Variants in PELI2 observed in about 807,000 individuals in gnomAD.
PELI2 encodes the protein E3 ubiquitin-protein ligase pellino homolog 2.
Under a neutral mutation model 42.3 loss-of-function variants are expected in PELI2, and 23 were observed. The ratio of observed to expected loss-of-function variants is 0.54; its 90% CI spans 0.39 to 0.77. The LOEUF (loss-of-function observed/expected upper bound fraction) is 0.77. PELI2 is among the 30% of genes least tolerant of loss of function. PELI2 has a pLI of 0.00. For missense variants in PELI2, 463 were observed against 553.2 expected (o/e 0.84, Z 1.64); for synonymous variants, 245 against 212.2 (o/e 1.15, Z -1.34).
chr14:56,199,837 A>T (rs138105206), intron 2 of PELI2, among the ~76,000 whole-genome samples: 80 of 152,344 alleles, frequency 5.3e-4, no homozygotes, highest in African/African-American at 1.9e-3. Flanking sequence ...CTGTACTGCA[A>T]GTTCTGTTTA....
intron 2 of PELI2, among the ~76,000 whole-genome samples, chr14:56,244,592 C>A (rs187423215): frequency 6.6e-6 from 1 of 152,140 alleles, no homozygotes; most frequent in Non-Finnish European, 1.5e-5. Context: ...AAGGAAGATG[C>A]CACTCTGCTA....
chr14:56,233,985 C>A (rs1160549623), intron 2 of PELI2, among the ~76,000 whole-genome samples: 10 of 152,146 alleles, frequency 6.6e-5, no homozygotes, highest in African/African-American at 2.2e-4. Context: ...ATGCAGCCAA[C>A]GGACACATGA....
At chr14:56,224,245 A>G (rs1459457036) in intron 2 of PELI2, among the ~76,000 whole-genome samples, 1 of 152,182 alleles carries the variant, frequency 6.6e-6, no homozygotes, top group Non-Finnish European at 1.5e-5. Context: ...GCTTCCATAC[A>G]ATGATTTAAT....
intron 2 of PELI2, among the ~76,000 whole-genome samples, chr14:56,275,564 T>A (rs1566678681): frequency 6.6e-6 from 1 of 152,130 alleles, no homozygotes; most frequent in Admixed American, 6.5e-5. Context: ...ACAGTCTAGA[T>A]CCCTCACATG....
intron 1 of PELI2, among the ~76,000 whole-genome samples, chr14:56,165,347 G>A (rs142974820): frequency 1.2e-4 from 18 of 152,054 alleles, no homozygotes; most frequent in Middle Eastern, 3.4e-3. Context: ...AAAATTTCTC[G>A]TTATTAATTT....
In PELI2 at chr14:56,202,777, A is replaced by G. The variant is rs371531883; in HGVS notation, c.207+24313A>G. Among the ~76,000 whole-genome samples the G allele has an allele frequency of 1.7e-4, 26 of 152,322 alleles. 1 individual carries two copies. The highest frequency in any genetic ancestry group is 7.8e-4 in the Admixed American group (12 of 15,298). ...TATCATCTGTGAAGTCTTTTTGACA[A>G]CATCTTTAACCAGAATCTGATTATT... is the stretch of plus-strand genomic sequence containing the variant. On this transcript the variant is annotated intron_variant, in intron 2 of 5. Transcript: ENST00000267460.
chr14:56,294,975 C>G (rs559850949), intron 5 of PELI2, among the ~76,000 whole-genome samples: 1 of 152,174 alleles, frequency 6.6e-6, no homozygotes, highest in Non-Finnish European at 1.5e-5. Context: ...AGGATTTACT[C>G]CCTCATCTGC....
At chr14:56,175,680 A>T (rs569420525) in intron 1 of PELI2, among the ~76,000 whole-genome samples, 1 of 152,350 alleles carries the variant, frequency 6.6e-6, no homozygotes, top group South Asian at 2.1e-4. Context: ...CTGTGCCTCT[A>T]TGCTTAGGCA....
intron 2 of PELI2, among the ~76,000 whole-genome samples, chr14:56,254,402 A>AAC (rs1555351560): frequency 2.6e-5 from 4 of 151,850 alleles, no homozygotes; most frequent in Admixed American, 2.6e-4. Context: ...ATCTCAAAAA[A>AAC]AAAAAAAAAT....
chr14:56,144,010 A>G (rs572456678), intron 1 of PELI2, among the ~76,000 whole-genome samples: 1 of 152,216 alleles, frequency 6.6e-6, no homozygotes, highest in Non-Finnish European at 1.5e-5. Flanking sequence ...ATACTAGCAT[A>G]TGCTTGTATA....
chr14:56,242,334 T>C lies in PELI2; in HGVS notation c.208-37342T>C, dbSNP rs1238937657. ...ACCATAGTCGTAGCCATGAAAACAG[T>C]GACTATCAATTGAAAACAAAATTAT... On this transcript the variant is annotated intron_variant, in intron 2 of 5. Transcript: ENST00000267460. Among the ~76,000 whole-genome samples, 7 of 152,278 alleles carry C rather than the reference T, an allele frequency of 4.6e-5. No homozygotes were observed. In the South Asian group the frequency reaches 8.3e-4, roughly 18 times the overall value.
chr14:56,204,029 G>A (rs372708424), intron 2 of PELI2, among the ~76,000 whole-genome samples: 10 of 152,334 alleles, frequency 6.6e-5, no homozygotes, highest in Admixed American at 5.9e-4. Flanking sequence ...GGGTCAGGAA[G>A]GGAGATCTGA....
intron 1 of PELI2, among the ~76,000 whole-genome samples, chr14:56,130,476 G>A (rs1883445632): frequency 6.6e-6 from 1 of 151,818 alleles, no homozygotes; most frequent in Admixed American, 6.6e-5. Flanking sequence ...TTGCCATACT[G>A]GGTATTCTCA....
At position 56,264,654 on chromosome 14, in the gene PELI2, G is replaced by A. The variant is rs7147332; in HGVS notation, c.208-15022G>A. Among the ~76,000 whole-genome samples the A allele has an allele frequency of 7.4e-3, 1,122 of 152,210 alleles. 19 individuals carry two copies. Among genetic ancestry groups the A allele is most frequent in the African/African-American group, 0.026 (1,070 of 41,530 alleles). On this transcript the variant is annotated intron_variant, in intron 2 of 5. Coordinates refer to ENST00000267460, the MANE Select transcript of PELI2 (RefSeq NM_021255.3). ...AAATTTATGGTCACATTACCCAGGGGCAGGAAAATGGTAAACCCAGTTCTT... is the reference window on the plus strand; with the variant it reads ...AAATTTATGGTCACATTACCCAGGGACAGGAAAATGGTAAACCCAGTTCTT...
intron 2 of PELI2, among the ~76,000 whole-genome samples, chr14:56,217,598 G>A (rs1383909551): frequency 6.6e-6 from 1 of 152,124 alleles, no homozygotes; most frequent in African/African-American, 2.4e-5. Context: ...TAGTTTTTGA[G>A]GTTTGCATTA....
At chr14:56,124,665 C>T (rs1381780102) in intron 1 of PELI2, among the ~76,000 whole-genome samples, 1 of 152,210 alleles carries the variant, frequency 6.6e-6, no homozygotes. Context: ...CCTGCTGCTG[C>T]AGCACTGACA....
intron 2 of PELI2, among the ~76,000 whole-genome samples, chr14:56,194,272 C>T (rs1397647851): frequency 6.6e-6 from 1 of 152,170 alleles, no homozygotes; most frequent in Non-Finnish European, 1.5e-5. Context: ...TTCCTGTCGT[C>T]AGCATCCGGC....
At chr14:56,211,247 A>G (rs907062810) in intron 2 of PELI2, among the ~76,000 whole-genome samples, 5 of 137,060 alleles carry the variant, frequency 3.6e-5, no homozygotes, top group African/African-American at 1.3e-4. Flanking sequence ...GAATGCCCCA[A>G]TTGCACAGTT....
Position 56,219,094 on chromosome 14 carries a change from AAGGTAG to A in PELI2, c.207+40631_207+40636del, listed in dbSNP as rs1887027478. On this transcript the variant is annotated intron_variant, in intron 2 of 5. Coordinates refer to ENST00000267460, the MANE Select transcript of PELI2 (RefSeq NM_021255.3). The surrounding 1 kb of genome is among the most constrained non-coding windows in gnomAD (Gnocchi z 4.1). ...AGAATAAACAGAACCCTAGGAAGGG[AAGGTAG>A]CTTCAAATACAAGCCATTTTAAGTA... Among the ~76,000 whole-genome samples the A allele has an allele frequency of 6.6e-6, 1 of 152,104 alleles. No individual in the cohort carries two copies. The highest frequency in any genetic ancestry group is 2.4e-5 in the African/African-American group (1 of 41,398).
Sources: gnomAD v4.1 joint callset for allele counts (sites outside exome capture counted in the v4.1 genomes callset) on GRCh38, gnomAD v4.1.1 for gene constraint, Gnocchi (gnomAD v3.1) non-coding constraint, MANE v1.5 for transcripts, NCBI Gene and HGNC (gene_info 2026-07-23, HGNC 2026-07-21) for gene names.